PDE1C: variants seen among roughly 807,000 people sequenced by gnomAD.
PDE1C encodes the protein phosphodiesterase 1C.
A neutral mutation model predicts 93.1 loss-of-function variants in PDE1C; 62 were observed. The observed-to-expected ratio is 0.67, with a 90% CI of 0.54 to 0.82. The LOEUF is 0.82. Ranked by LOEUF, PDE1C falls within the 40% of genes least tolerant of loss-of-function variation. PDE1C has a pLI of 0.00. For synonymous variants in PDE1C, 325 were observed against 310.1 expected (o/e 1.05, Z -0.50); for missense variants, 742 against 884.6 (o/e 0.84, Z 2.04).
intron 7 of PDE1C, 141 bp downstream of exon 7, chr7:31,864,801 G>C: frequency 1.3e-6 from 1 of 784,690 alleles, no homozygotes. Context: ...TTCCATATTG[G>C]TTAGATTACT....
Position 32,370,174 on chromosome 7 carries a change from G to C in PDE1C, c.310+57648C>G, listed in dbSNP as rs186443943. The stretch of plus-strand genomic sequence containing the variant: ...CATAAAAAACGATGAGTTCTGCCGG[G>C]CGCAGTGGCTCACGCCTGTAATCCC... On this transcript the variant is annotated intron_variant, in intron 1 of 1. Transcript: ENST00000672256. 2.1e-3 allele frequency among the ~76,000 whole-genome samples: 327 copies of C among 152,300 alleles called. 2 individuals carry two copies. The highest frequency in any genetic ancestry group is 7.8e-3 in the African/African-American group (323 of 41,560).
intron 7 of PDE1C, among the ~76,000 whole-genome samples, chr7:31,860,402 C>A (rs1794551805): frequency 1.3e-5 from 2 of 152,134 alleles, no homozygotes; most frequent in South Asian, 4.1e-4. Context: ...ACATCCTAAC[C>A]AACAGTTAAT....
the PDE1C span, among the ~76,000 whole-genome samples, chr7:31,627,407 C>G: frequency 6.6e-6 from 1 of 152,232 alleles, no homozygotes. Context: ...CCTATAATCC[C>G]AGCTCTTTGG....
chr7:31,960,536 A>T (rs1808796384), intron 2 of PDE1C, among the ~76,000 whole-genome samples: 1 of 152,238 alleles, frequency 6.6e-6, no homozygotes, highest in Non-Finnish European at 1.5e-5. Flanking sequence ...AAAGTAGATA[A>T]CAGTATTTTA....
chr7:31,985,984 G>T (rs1783352214), intron 2 of PDE1C, among the ~76,000 whole-genome samples: 1 of 152,182 alleles, frequency 6.6e-6, no homozygotes, highest in African/African-American at 2.4e-5. Context: ...CTCACAGTTA[G>T]GGTGAAGTGG....
the PDE1C span, chr7:31,652,569 C>A: frequency 5.6e-6 from 9 of 1,610,840 alleles, no homozygotes; most frequent in Non-Finnish European, 7.6e-6. Context: ...AAATCTGCAT[C>A]AATATAACTG....
At chr7:32,238,044 G>C (rs1167236302) in intron 1 of PDE1C, among the ~76,000 whole-genome samples, 1 of 151,930 alleles carries the variant, frequency 6.6e-6, no homozygotes. Context: ...TGCTGGGATT[G>C]CAGGCGTAAA....
intron 2 of PDE1C, among the ~76,000 whole-genome samples, chr7:31,954,792 T>C (rs79721075): frequency 0.03 from 4,574 of 152,268 alleles, 214 homozygotes; most frequent in African/African-American, 0.11. Flanking sequence ...GTTTTTGCTA[T>C]TAAAAGTAAT....
At chr7:32,051,032 A>T (rs1793279693) in intron 2 of PDE1C, among the ~76,000 whole-genome samples, 1 of 152,236 alleles carries the variant, frequency 6.6e-6, no homozygotes, top group Non-Finnish European at 1.5e-5. Context: ...GGCTGGGCAC[A>T]TGAGGGATGA....
chr7:32,330,168 C>T (rs1783483482), intron 1 of PDE1C, among the ~76,000 whole-genome samples: 1 of 152,230 alleles, frequency 6.6e-6, no homozygotes, highest in Non-Finnish European at 1.5e-5. Context: ...CTGGACACTT[C>T]ATATATCTTT....
At chr7:31,760,563 C>T (rs1006575244) in intron 17 of PDE1C, among the ~76,000 whole-genome samples, 2 of 152,124 alleles carry the variant, frequency 1.3e-5, no homozygotes, top group Admixed American at 1.3e-4. Context: ...TTTTCTGAAC[C>T]TCTTCAGGTG....
At chr7:31,664,833 C>G in the PDE1C span, among the ~76,000 whole-genome samples, 4 of 152,178 alleles carry the variant, frequency 2.6e-5, no homozygotes, top group Non-Finnish European at 5.9e-5. Context: ...ATCAAGACAT[C>G]CATGCTCATA....
the PDE1C span, among the ~76,000 whole-genome samples, chr7:31,645,301 C>T: frequency 7.2e-4 from 109 of 152,244 alleles, no homozygotes; most frequent in Admixed American, 2.5e-3. Context: ...AATCACATTA[C>T]ATAAATGTGA....
At chr7:32,008,022 T>TCAA (rs1159404011) in intron 2 of PDE1C, among the ~76,000 whole-genome samples, 1 of 152,208 alleles carries the variant, frequency 6.6e-6, no homozygotes, top group African/African-American at 2.4e-5. Context: ...TATCCAGATA[T>TCAA]CAATTCAAGC....
At chr7:31,982,058 A>C (rs17335283) in intron 2 of PDE1C, among the ~76,000 whole-genome samples, 3,969 of 152,328 alleles carry the variant, frequency 0.026, 118 homozygotes, top group Non-Finnish European at 0.033. Context: ...TGCTATCTGC[A>C]TGATATTCCA....
the PDE1C span, among the ~76,000 whole-genome samples, chr7:31,648,264 T>C: frequency 6.6e-6 from 1 of 152,114 alleles, no homozygotes. Flanking sequence ...TTTCAATGGG[T>C]TTGGGTCAGT....
intron 2 of PDE1C, among the ~76,000 whole-genome samples, chr7:32,030,104 C>T (rs1790115282): frequency 6.6e-6 from 1 of 151,596 alleles, no homozygotes; most frequent in Admixed American, 6.6e-5. Flanking sequence ...CACACACACA[C>T]ACACACACAC....
the PDE1C span, among the ~76,000 whole-genome samples, chr7:31,617,705 C>T: frequency 0.043 from 6,471 of 152,046 alleles, 409 homozygotes; most frequent in African/African-American, 0.14. Flanking sequence ...TTAGTGCTCC[C>T]TCCGACCCCC....
At chr7:32,326,848 AATG>A (rs1249803266) in intron 1 of PDE1C, among the ~76,000 whole-genome samples, 3 of 152,156 alleles carry the variant, frequency 2.0e-5, no homozygotes, top group African/African-American at 7.2e-5. Context: ...TGCTGATGGG[AATG>A]ATAACAATCT....
Sources: gnomAD v4.1 joint callset for allele counts (sites outside exome capture counted in the v4.1 genomes callset) on GRCh38, gnomAD v4.1.1 for gene constraint, MANE v1.5 for transcripts, NCBI Gene and HGNC (gene_info 2026-07-23, HGNC 2026-07-21) for gene names.